Variants in CNTNAP2 observed in about 807,000 individuals in gnomAD.
CNTNAP2 encodes the protein contactin-associated protein-like 2.
CNTNAP2 carries 98 observed loss-of-function variants against 155.2 expected under a neutral mutation model. The ratio of observed to expected loss-of-function variants is 0.63; its 90% CI spans 0.54 to 0.75. CNTNAP2 has a LOEUF of 0.75. Among genes scored for constraint, CNTNAP2 ranks in the 30% least tolerant of loss-of-function variants. The probability of loss-of-function intolerance (pLI) is 0.00; values close to 1 mark genes in which losing one functional copy is unlikely to be tolerated. For missense variants in CNTNAP2, 1,727 were observed against 1,688.1 expected (o/e 1.02, Z -0.40); for synonymous variants, 651 against 631.2 (o/e 1.03, Z -0.47).
chr7:147,105,982 C>T (rs1344999691), intron 4 of CNTNAP2, among the ~76,000 whole-genome samples: 1 of 151,824 alleles, frequency 6.6e-6, no homozygotes. Context: ...TCTCATTGCT[C>T]TAAAAGTAAG....
intron 15 of CNTNAP2, among the ~76,000 whole-genome samples, chr7:148,010,854 A>G (rs1216559840): frequency 6.6e-6 from 1 of 151,996 alleles, no homozygotes; most frequent in Non-Finnish European, 1.5e-5. Context: ...CTTTGTTCAC[A>G]TTGTCAATGC....
chr7:148,003,163 C>T (rs1194689206), intron 15 of CNTNAP2, among the ~76,000 whole-genome samples: 1 of 152,018 alleles, frequency 6.6e-6, no homozygotes, highest in East Asian at 1.9e-4. Flanking sequence ...CTCTATGTGT[C>T]CTTCCCAAGG....
At chr7:146,318,758 T>G (rs1475900727) in intron 1 of CNTNAP2, among the ~76,000 whole-genome samples, 4 of 152,076 alleles carry the variant, frequency 2.6e-5, no homozygotes, top group Non-Finnish European at 5.9e-5. Flanking sequence ...GTGTATAAAA[T>G]TTTTGTAACA....
At chr7:148,329,889 A>G (rs1203797704) in intron 21 of CNTNAP2, among the ~76,000 whole-genome samples, 1 of 152,200 alleles carries the variant, frequency 6.6e-6, no homozygotes, top group African/African-American at 2.4e-5. Context: ...CCTGCCCCAG[A>G]GCTCCCCACT....
chr7:147,791,965 A>G (rs1416296631), intron 13 of CNTNAP2, among the ~76,000 whole-genome samples: 1 of 152,208 alleles, frequency 6.6e-6, no homozygotes, highest in Non-Finnish European at 1.5e-5. Context: ...CAGAAACCAC[A>G]CAAATGGGCC....
intron 20 of CNTNAP2, among the ~76,000 whole-genome samples, chr7:148,262,875 T>G (rs1285824139): frequency 1.3e-5 from 2 of 152,310 alleles, no homozygotes; most frequent in Non-Finnish European, 2.9e-5. Flanking sequence ...GATCCGATGC[T>G]GCTGTTCTGA....
At chr7:147,004,725 T>C (rs948895140) in intron 3 of CNTNAP2, among the ~76,000 whole-genome samples, 3 of 152,072 alleles carry the variant, frequency 2.0e-5, no homozygotes, top group African/African-American at 7.2e-5. Flanking sequence ...TCACATATAC[T>C]GATCTAATTA....
At chr7:146,617,917 A>G (rs1585009021) in intron 1 of CNTNAP2, among the ~76,000 whole-genome samples, 1 of 152,182 alleles carries the variant, frequency 6.6e-6, no homozygotes, top group South Asian at 2.1e-4. Context: ...GTACTGCCTC[A>G]ATTCATATGT....
intron 12 of CNTNAP2, among the ~76,000 whole-genome samples, chr7:147,603,796 G>A (rs1268540958): frequency 1.3e-5 from 2 of 152,138 alleles, no homozygotes; most frequent in Non-Finnish European, 2.9e-5. Context: ...AAAGCTGGAG[G>A]CATCATGCTA....
rs187950841 is a variant in CNTNAP2, at chr7:146,770,698, T to C, written c.98-3573T>C. Among the ~76,000 whole-genome samples, 314 of 152,152 alleles carry C rather than the reference T, an allele frequency of 2.1e-3. 1 individual carries two copies. Among genetic ancestry groups the C allele is most frequent in the African/African-American group, 7.3e-3 (305 of 41,560 alleles). On this transcript the variant is annotated intron_variant, in intron 1 of 23. Transcript: ENST00000361727. ...AAATTGATTTGATTTTTTAAATTAGTAAAAAATGTAAAATTTGGTACTCAG... is the reference window on the plus strand; with the variant it reads ...AAATTGATTTGATTTTTTAAATTAGCAAAAAATGTAAAATTTGGTACTCAG...
At chr7:146,567,713 T>A (rs1024883292) in intron 1 of CNTNAP2, among the ~76,000 whole-genome samples, 7 of 152,160 alleles carry the variant, frequency 4.6e-5, no homozygotes, top group Non-Finnish European at 1.0e-4. Context: ...CAAACAGATA[T>A]AATTTTAACT....
chr7:146,394,642 A>G (rs1795594047), intron 1 of CNTNAP2, among the ~76,000 whole-genome samples: 1 of 152,168 alleles, frequency 6.6e-6, no homozygotes. Context: ...TTATCTCCCC[A>G]TGAATAATAA....
chr7:147,617,116 A>G (rs1041133868), intron 12 of CNTNAP2, among the ~76,000 whole-genome samples: 2 of 152,128 alleles, frequency 1.3e-5, no homozygotes, highest in African/African-American at 4.8e-5. Context: ...AGCAATAAGA[A>G]GGATAAAATT....
chr7:147,066,315 A>G (rs1357722305), intron 4 of CNTNAP2, among the ~76,000 whole-genome samples: 1 of 152,188 alleles, frequency 6.6e-6, no homozygotes, highest in Non-Finnish European at 1.5e-5. Flanking sequence ...ACGACAGACT[A>G]CTTCAAATCT....
At chr7:146,405,244 C>A (rs1050524004) in intron 1 of CNTNAP2, among the ~76,000 whole-genome samples, 1 of 152,122 alleles carries the variant, frequency 6.6e-6, no homozygotes, top group African/African-American at 2.4e-5. Flanking sequence ...CAATAAGCAT[C>A]CTACTTTCAT....
chr7:148,354,941 T>C (rs1798486698), intron 21 of CNTNAP2, among the ~76,000 whole-genome samples: 1 of 151,878 alleles, frequency 6.6e-6, no homozygotes, highest in Admixed American at 6.6e-5. Context: ...GAGGCCTGAG[T>C]GTCAATGACA....
intron 3 of CNTNAP2, among the ~76,000 whole-genome samples, chr7:146,911,575 A>T (rs933386062): frequency 6.7e-6 from 1 of 148,728 alleles, no homozygotes; most frequent in Non-Finnish European, 1.5e-5. Flanking sequence ...CAAACACCGT[A>T]TATTCTCACT....
At chr7:146,162,123 C>T (rs1428528691) in intron 1 of CNTNAP2, among the ~76,000 whole-genome samples, 2 of 152,194 alleles carry the variant, frequency 1.3e-5, no homozygotes, top group Non-Finnish European at 2.9e-5. Flanking sequence ...ATGACTAAAA[C>T]ACCAAAAGCA....
At chr7:148,026,779 G>C (rs1047481121) in intron 15 of CNTNAP2, among the ~76,000 whole-genome samples, 1 of 152,222 alleles carries the variant, frequency 6.6e-6, no homozygotes, top group Non-Finnish European at 1.5e-5. Context: ...TCTTGCTACA[G>C]GCTAGCAAGA....
Sources: gnomAD v4.1 joint callset for allele counts (sites outside exome capture counted in the v4.1 genomes callset) on GRCh38, gnomAD v4.1.1 for gene constraint, MANE v1.5 for transcripts, NCBI Gene and HGNC (gene_info 2026-07-23, HGNC 2026-07-21) for gene names.